DEFA6: variants seen among roughly 807,000 people sequenced by gnomAD.
DEFA6 encodes the protein defensin-6.
DEFA6 carries 8 observed loss-of-function variants against 5.1 expected under a neutral mutation model. That is an observed-to-expected ratio of 1.57 (90% CI 0.92 to 2.83). The LOEUF (loss-of-function observed/expected upper bound fraction) is 2.83. DEFA6 is among the 30% of genes most tolerant of loss of function. The pLI is 0.00. For synonymous variants in DEFA6, 74 were observed against 45.3 expected, an observed-to-expected ratio of 1.63 and a Z score of -2.54; for missense variants, 191 against 119.1, an observed-to-expected ratio of 1.60 and a Z score of -2.81.
intron 1 of DEFA6, among the ~76,000 whole-genome samples, chr8:6,925,140 G>C (rs564066925): frequency 1.3e-5 from 2 of 152,218 alleles, no homozygotes; most frequent in Admixed American, 6.5e-5. Context: ...GTACTTATCT[G>C]CTCCTTCCCT....
At position 6,926,052 on chromosome 8, in the gene DEFA6, G is replaced by A. The variant is rs1554551189; in HGVS notation, c.-17C>T. 4.4e-6 allele frequency: 7 copies of A among 1,595,604 alleles called. No homozygotes were observed. The South Asian group carries it at 8.0e-5, about 18-fold the overall frequency. On this transcript the variant is annotated 5_prime_UTR_variant, in exon 1 of 2. Transcript: ENST00000297436. ...GGTTCTCATGGCTAGGGTCGCTGGA[G>A]GAGAGAGAGCAGGAGCAGATGTGTG... is the stretch of plus-strand genomic sequence containing the variant.
chr8:6,924,744 T>G lies in DEFA6; in HGVS notation c.*74A>C. ...GATGAGGAAACAAAGTTGATGGCAA[T>G]GTATAGGACACACGACAGTTTCCTT... On this transcript the variant is annotated 3_prime_UTR_variant, in exon 2 of 2. Coordinates refer to ENST00000297436, the MANE Select transcript of DEFA6 (RefSeq NM_001926.4). 1 of 919,072 alleles carries G rather than the reference T, an allele frequency of 1.1e-6. No individual in the cohort carries two copies. Among genetic ancestry groups the G allele is most frequent in the Non-Finnish European group, 1.6e-6 (1 of 626,140 alleles). 56.9% of individuals were successfully genotyped at this position (919,072 alleles called of 1,614,324 possible).
intron 1 of DEFA6, among the ~76,000 whole-genome samples, chr8:6,925,232 C>G (rs571682677): frequency 6.6e-6 from 1 of 152,122 alleles, no homozygotes; most frequent in Non-Finnish European, 1.5e-5. Flanking sequence ...AAAAACATTC[C>G]TTTAGCAGCT....
intron 1 of DEFA6, 67 bp from the exon 2 acceptor site, chr8:6,924,994 C>G (rs1808376788): frequency 1.9e-6 from 2 of 1,061,598 alleles, no homozygotes; most frequent in Non-Finnish European, 2.9e-6. Context: ...TAAAGAGAAT[C>G]TTCAGGAAGT....
intron 1 of DEFA6, among the ~76,000 whole-genome samples, chr8:6,925,380 T>C (rs1808395683): frequency 6.6e-6 from 1 of 151,130 alleles, no homozygotes; most frequent in African/African-American, 2.4e-5. Flanking sequence ...ATACAAAATT[T>C]AGCCAGGCTT....
In DEFA6 at chr8:6,925,875, GC is replaced by G. The variant is rs767600527; in HGVS notation, c.160del (p.Ala54GlnfsTer50). On this transcript the variant is annotated frameshift_variant, in exon 1 of 2. Transcript: ENST00000297436. LOFTEE classifies it low-confidence loss of function (END_TRUNC). The stretch of plus-strand genomic sequence containing the variant: ...TCTAAGACTTGAGCTTGCATCCTCT[GC>G]AAAGGAGACGGCAAAGTCCTGGTCA... The part of the protein sequence containing the change: ...ANDQDFAVSF[A>X]EDASSSLRAL... The G allele has an allele frequency of 1.2e-6, 2 of 1,613,958 alleles. No individual in the cohort carries two copies. Among genetic ancestry groups the G allele is most frequent in the Non-Finnish European group, 1.7e-6 (2 of 1,179,966 alleles).
chr8:6,924,899 G>A lies in DEFA6; in HGVS notation c.222C>T (p.Cys74=). The A allele has an allele frequency of 6.2e-7, 1 of 1,609,872 alleles. No homozygotes were observed. Residue 74 remains cysteine, a synonymous_variant, in exon 2 of 2, where the codon TGC becomes TGT. Coordinates refer to ENST00000297436, the MANE Select transcript of DEFA6 (RefSeq NM_001926.4). ...ATTCTGTTGAATAACAGGACCTTCT[G>A]CAATGGCAAGTGAAAGCCCTTGTTG... ...LGSTRAFTCH[C]RRSCYSTEYS... is the part of the protein sequence containing the mutation.
In DEFA6 at chr8:6,925,978, C is replaced by T; in HGVS notation, c.58G>A (p.Glu20Lys). The T allele has an allele frequency of 6.2e-7, 1 of 1,613,750 alleles. No homozygotes were observed. The highest frequency in any genetic ancestry group is 2.2e-5 in the East Asian group (1 of 44,876). Residue 20 changes from glutamate (E) to lysine (K), a missense_variant, in exon 1 of 2, where the codon GAG (glutamate) becomes AAG (lysine). Coordinates refer to ENST00000297436, the MANE Select transcript of DEFA6 (RefSeq NM_001926.4). Reference protein sequence around the residue: ...VLLVALQAKAEPLQAEDDPLQ... With the variant: ...VLLVALQAKAKPLQAEDDPLQ... ...GGATCATCCTCAGCTTGGAGTGGCT[C>T]AGCCTTGGCCTGGAGGGCCACGAGG... is the stretch of plus-strand genomic sequence containing the variant.
intron 1 of DEFA6, 122 bp downstream of exon 1, chr8:6,925,721 T>A: frequency 1.4e-6 from 1 of 726,816 alleles, no homozygotes; most frequent in Non-Finnish European, 2.1e-6. Context: ...AGTACAAACA[T>A]AAAGTAATTG....
In DEFA6 at chr8:6,925,838, C is replaced by G. The variant is rs1187290918; in HGVS notation, c.193+5G>C. 1 of 1,607,924 alleles carries G rather than the reference C, an allele frequency of 6.2e-7. No homozygotes were observed. The highest frequency in any genetic ancestry group is 1.3e-5 in the African/African-American group (1 of 74,704). ...TCCTAGCTCTGCAATGCTGGTGTCT[C>G]TTACCCAAAGCTCTAAGACTTGAGC... On this transcript the variant is annotated splice_donor_5th_base_variant and intron_variant, in intron 1 of 1. Coordinates refer to ENST00000297436, the MANE Select transcript of DEFA6 (RefSeq NM_001926.4).
chr8:6,925,196 C>T (rs900133655), intron 1 of DEFA6, among the ~76,000 whole-genome samples: 10 of 152,234 alleles, frequency 6.6e-5, no homozygotes, highest in African/African-American at 2.4e-4. Flanking sequence ...CTCCAGTTTG[C>T]AACGGTTCCT....
In DEFA6 at chr8:6,924,822, A is replaced by G; in HGVS notation, c.299T>C (p.Leu100Pro). The change falls in exon 2 of 2, where the codon CTC (leucine) becomes CCC (proline). Residue 100 changes from leucine (L) to proline (P), a missense_variant. Physicochemically the swap from Leu to Pro is moderately conservative, Grantham distance 98. Transcript: ENST00000297436. ...ATTTCTCTCTGTTCTCATCCCTCAG[A>G]GGCAGCAGAATCTGTGGTTAATACC... Reference protein sequence around the residue: ...VMGINHRFCCL With the variant: ...VMGINHRFCCP 6.3e-7 allele frequency: 1 copy of G among 1,596,518 alleles called. No homozygotes were observed. Among genetic ancestry groups the G allele is most frequent in the Non-Finnish European group, 8.6e-7 (1 of 1,165,398 alleles).
chr8:6,924,998 A>C lies in DEFA6; in HGVS notation c.194-71T>G, dbSNP rs570620186. 4.0e-5 allele frequency: 39 copies of C among 981,458 alleles called. No individual in the cohort carries two copies. The Middle Eastern group carries it at 7.0e-4, about 18-fold the overall frequency. The allele number at this position is 981,458 out of a possible 1,614,324, so 60.8% of individuals were successfully genotyped here. A position where few individuals can be genotyped will look rare whatever the true frequency, so the allele number is the denominator to read the frequency against. Reference sequence around the variant, plus strand: ...GCAGCGGGCAGTAAAGAGAATCTTCAGGAAGTTGCATGCTTGCTGACATGT... The same window carrying C: ...GCAGCGGGCAGTAAAGAGAATCTTCCGGAAGTTGCATGCTTGCTGACATGT... On this transcript the variant is annotated intron_variant, in intron 1 of 1. Transcript: ENST00000297436.
At chr8:6,924,956 A>G in intron 1 of DEFA6, 29 bp from the exon 2 acceptor site, 1 of 1,491,876 alleles carries the variant, frequency 6.7e-7, no homozygotes, top group African/African-American at 1.4e-5. Context: ...AGCATCAGAA[A>G]TTGAGCACCA....
At chr8:6,925,431 G>C (rs774903702) in intron 1 of DEFA6, among the ~76,000 whole-genome samples, 2 of 152,192 alleles carry the variant, frequency 1.3e-5, no homozygotes, top group African/African-American at 2.4e-5. Context: ...GGGAGGCTGA[G>C]GGAGAGAATT....
chr8:6,925,357 G>GA lies in DEFA6; in HGVS notation c.194-431dup, dbSNP rs33981880. Among the ~76,000 whole-genome samples the GA allele has an allele frequency of 5.2e-3, 762 of 147,268 alleles. 6 individuals are homozygous for GA. Among genetic ancestry groups the GA allele is most frequent in the African/African-American group, 0.018 (724 of 40,156 alleles). Reference sequence around the variant, plus strand: ...AAGATGGTGAAACCCCGTCTCTACTGAAAAAAAAAAAAATACAAAATTTAG... The same window carrying GA: ...AAGATGGTGAAACCCCGTCTCTACTGAAAAAAAAAAAAAATACAAAATTTAG... On this transcript the variant is annotated intron_variant, in intron 1 of 1. Coordinates refer to ENST00000297436, the MANE Select transcript of DEFA6 (RefSeq NM_001926.4).
In DEFA6 at chr8:6,924,953, G is replaced by A. The variant is rs370145720; in HGVS notation, c.194-26C>T. On this transcript the variant is annotated intron_variant, in intron 1 of 1. Transcript: ENST00000297436. ...CTGGGGACAGAGAGAGAGAGCATCA[G>A]AAATTGAGCACCAGGGTCAGCAGCG... is the stretch of plus-strand genomic sequence containing the variant. 6.0e-6 allele frequency: 9 copies of A among 1,508,762 alleles called. No homozygotes were observed. The African/African-American group carries it at 1.2e-4, about 21-fold the overall frequency. The allele number at this position is 1,508,762 out of a possible 1,614,324, so 93.5% of individuals were successfully genotyped here. A position where few individuals can be genotyped will look rare whatever the true frequency, so the allele number is the denominator to read the frequency against.
chr8:6,924,938 A>G lies in DEFA6; in HGVS notation c.194-11T>C. 6.3e-7 allele frequency: 1 copy of G among 1,577,890 alleles called. No homozygotes were observed. The highest frequency in any genetic ancestry group is 1.3e-5 in the African/African-American group (1 of 74,342). On this transcript the variant is annotated splice_polypyrimidine_tract_variant and intron_variant, in intron 1 of 1. Coordinates refer to ENST00000297436, the MANE Select transcript of DEFA6 (RefSeq NM_001926.4). ...AAGCCCTTGTTGAGCCTGGGGACAGAGAGAGAGAGCATCAGAAATTGAGCA... is the reference window on the plus strand; with the variant it reads ...AAGCCCTTGTTGAGCCTGGGGACAGGGAGAGAGAGCATCAGAAATTGAGCA...
chr8:6,924,960 A>G (rs1808374900), intron 1 of DEFA6, 33 bp from the exon 2 acceptor site: 2 of 1,456,620 alleles, frequency 1.4e-6, no homozygotes, highest in Non-Finnish European at 1.9e-6. Flanking sequence ...TCAGAAATTG[A>G]GCACCAGGGT....
Sources: allele counts gnomAD v4.1 joint callset (sites outside exome capture counted in the v4.1 genomes callset), GRCh38; gene constraint gnomAD v4.1.1; transcripts MANE v1.5; gene names NCBI Gene and HGNC (gene_info 2026-07-23, HGNC 2026-07-21).